Variants in KIAA2012 observed in about 807,000 individuals in gnomAD.
KIAA2012 encodes uncharacterized protein KIAA2012.
A neutral mutation model predicts 150.6 loss-of-function variants in KIAA2012; 125 were observed. The ratio of observed to expected loss-of-function variants is 0.83; its 90% CI spans 0.72 to 0.96. KIAA2012 has a LOEUF of 0.96. KIAA2012 is among the 40% of genes least tolerant of loss of function. The pLI is 0.00. For missense variants in KIAA2012, 1,219 were observed against 1,354.9 expected, an observed-to-expected ratio of 0.90 and a Z score of 1.57; for synonymous variants, 462 against 504.7, an observed-to-expected ratio of 0.92 and a Z score of 1.13.
intron 8 of KIAA2012, 71 bp downstream of exon 8, chr2:202,103,185 C>G (rs1690095885): frequency 2.1e-6 from 3 of 1,433,374 alleles, no homozygotes; most frequent in African/African-American, 2.9e-5. Flanking sequence ...TCTACATGCT[C>G]CTACATCATG....
In KIAA2012 at chr2:202,197,034, G is replaced by C; in HGVS notation, c.3407+15G>C. ...GAACAAGCCAGGTACTGGATATTTG[G>C]GCAACAGTTGCCATAGGGGGATGGT... On this transcript the variant is annotated intron_variant, in intron 22 of 23. Transcript: ENST00000498697. 1 of 1,550,446 alleles carries C rather than the reference G, an allele frequency of 6.4e-7. No homozygotes were observed.
At position 202,187,050 on chromosome 2, in the gene KIAA2012, G is replaced by A. The variant is rs1178420917; in HGVS notation, c.2328G>A (p.Lys776=). Residue 776 remains lysine (K), a synonymous_variant, in exon 17 of 24, where the codon AAG becomes AAA. Coordinates refer to ENST00000498697, the MANE Select transcript of KIAA2012 (RefSeq NM_001277372.4). ...TSLLPREREG[K]AEPRLFSQET... ...TTCTTCCAAGAGAAAGAGAAGGGAA[G>A]GCTGAACCAAGACTGTTTAGCCAGG... 3.9e-6 allele frequency: 6 copies of A among 1,550,476 alleles called. No individual in the cohort carries two copies. The highest frequency in any genetic ancestry group is 1.4e-5 in the African/African-American group (1 of 73,030).
At chr2:202,192,706 C>T (rs1429285742) in intron 19 of KIAA2012, among the ~76,000 whole-genome samples, 3 of 152,164 alleles carry the variant, frequency 2.0e-5, no homozygotes, top group East Asian at 1.9e-4. Flanking sequence ...ATCTACCCAC[C>T]TCAGCCTCCA....
intron 23 of KIAA2012, among the ~76,000 whole-genome samples, chr2:202,203,666 C>G (rs1379904934): frequency 6.6e-6 from 1 of 152,146 alleles, no homozygotes; most frequent in Non-Finnish European, 1.5e-5. Context: ...TATTCTAGAG[C>G]CCTGAACATT....
At chr2:202,092,684 C>T (rs1185663811) in intron 3 of KIAA2012, among the ~76,000 whole-genome samples, 1 of 152,058 alleles carries the variant, frequency 6.6e-6, no homozygotes, top group African/African-American at 2.4e-5. Context: ...CCTACAGAAG[C>T]AAATAGGATA....
intron 6 of KIAA2012, among the ~76,000 whole-genome samples, chr2:202,100,002 G>A (rs564973521): frequency 6.6e-6 from 1 of 152,286 alleles, no homozygotes; most frequent in Admixed American, 6.5e-5. Context: ...AAATCATACT[G>A]TCTGGGCTCA....
intron 2 of KIAA2012, among the ~76,000 whole-genome samples, chr2:202,078,598 T>C (rs1261402791): frequency 1.3e-5 from 2 of 152,162 alleles, no homozygotes; most frequent in African/African-American, 4.8e-5. Context: ...CTGGAATGTA[T>C]TTTTTTAAAG....
chr2:202,164,143 G>A (rs73992854), intron 14 of KIAA2012, among the ~76,000 whole-genome samples: 7,051 of 152,092 alleles, frequency 0.046, 564 homozygotes, highest in African/African-American at 0.16. Context: ...CTCTAGCACC[G>A]AGATGAAGCT....
chr2:202,139,573 G>A (rs756470995), intron 13 of KIAA2012, among the ~76,000 whole-genome samples: 6 of 152,128 alleles, frequency 3.9e-5, no homozygotes, highest in African/African-American at 9.7e-5. Context: ...ATAAAGAAAC[G>A]GGTTTGCTTT....
intron 7 of KIAA2012, among the ~76,000 whole-genome samples, chr2:202,100,972 T>A (rs1181745207): frequency 3.3e-5 from 5 of 152,184 alleles, no homozygotes; most frequent in Non-Finnish European, 7.3e-5. Context: ...GCCTTGCAGT[T>A]CTATGTGGGT....
At chr2:202,095,977 G>T (rs866818146) in intron 4 of KIAA2012, among the ~76,000 whole-genome samples, 1 of 152,064 alleles carries the variant, frequency 6.6e-6, no homozygotes, top group Non-Finnish European at 1.5e-5. Context: ...CCAGCTACTC[G>T]GGAGGCTGAG....
chr2:202,184,000 T>C (rs1258895090), intron 15 of KIAA2012, among the ~76,000 whole-genome samples: 1 of 152,194 alleles, frequency 6.6e-6, no homozygotes, highest in Non-Finnish European at 1.5e-5. Flanking sequence ...TGCTTATTTA[T>C]CTTTTTAACC....
At chr2:202,179,577 A>G in intron 15 of KIAA2012, 1 of 670,198 alleles carries the variant, frequency 1.5e-6, no homozygotes, top group East Asian at 3.2e-5. Flanking sequence ...AACTAGCTCA[A>G]CAATACTATC....
At chr2:202,105,956 A>AGG in intron 9 of KIAA2012, 46 bp downstream of exon 9, 1 of 1,550,666 alleles carries the variant, frequency 6.4e-7, no homozygotes, top group Non-Finnish European at 8.7e-7. Flanking sequence ...CTCACTCTGA[A>AGG]GGGAAGCAAG....
intron 13 of KIAA2012, among the ~76,000 whole-genome samples, chr2:202,144,676 T>C (rs1317456332): frequency 6.6e-6 from 1 of 152,210 alleles, no homozygotes; most frequent in Non-Finnish European, 1.5e-5. Flanking sequence ...GCACAGTTCC[T>C]GGTACATGGG....
intron 15 of KIAA2012, chr2:202,179,283 C>T (rs936503778): frequency 6.0e-6 from 7 of 1,168,766 alleles, no homozygotes; most frequent in Non-Finnish European, 7.5e-6. Context: ...TGCTTTGGCT[C>T]TTCGGGTAAA....
rs1574313940 is a variant in KIAA2012, at chr2:202,188,218, A to G, written c.2443A>G (p.Lys815Glu). Residue 815 changes from lysine to glutamate, a missense_variant, in exon 18 of 24, where the codon AAA becomes GAA. Physicochemically the swap from Lys to Glu is moderately conservative, Grantham distance 56. Coordinates refer to ENST00000498697, the MANE Select transcript of KIAA2012 (RefSeq NM_001277372.4). Reference sequence around the variant, plus strand: ...CAAGAAAGACAAAACCAAAGGACCCAAAAGCGAGAGAGAAGGAAAGGTCTA... The same window carrying G: ...CAAGAAAGACAAAACCAAAGGACCCGAAAGCGAGAGAGAAGGAAAGGTCTA... ...KPKKDKTKGPKSEREGKVYGQ... is the reference protein window; with the variant it reads ...KPKKDKTKGPESEREGKVYGQ... 9 of 1,550,622 alleles carry G rather than the reference A, an allele frequency of 5.8e-6. No homozygotes were observed. The highest frequency in any genetic ancestry group is 7.8e-6 in the Non-Finnish European group (9 of 1,146,964).
chr2:202,154,881 C>T (rs1052446068), intron 14 of KIAA2012, 71 bp downstream of exon 14: 35 of 1,465,736 alleles, frequency 2.4e-5, no homozygotes, highest in Non-Finnish European at 3.0e-5. Context: ...TACACTTCTG[C>T]ATGGTACAAA....
chr2:202,125,365 G>C, intron 12 of KIAA2012, 83 bp downstream of exon 12: 1 of 1,051,128 alleles, frequency 9.5e-7, no homozygotes, highest in Non-Finnish European at 1.4e-6. Flanking sequence ...TAGACCTCCA[G>C]AAACCCACAA....
Sources: allele counts gnomAD v4.1 joint callset (sites outside exome capture counted in the v4.1 genomes callset), GRCh38; gene constraint gnomAD v4.1.1; transcripts MANE v1.5; gene names NCBI Gene and HGNC (gene_info 2026-07-23, HGNC 2026-07-21).